Variants in GYPB observed in about 807,000 individuals in gnomAD.
The protein encoded by GYPB is glycophorin B (MNS blood group).
A neutral mutation model predicts 15.3 loss-of-function variants in GYPB; 13 were observed. The observed-to-expected ratio is 0.85, with a 90% confidence interval of 0.55 to 1.35. The LOEUF (loss-of-function observed/expected upper bound fraction) is 1.35. Among genes scored for constraint, GYPB ranks in the 40% most tolerant of loss-of-function variants. GYPB has a pLI of 0.00. For missense variants in GYPB, 131 were observed against 108.3 expected (o/e 1.21, Z -0.93); for synonymous variants, 38 against 36.9 (o/e 1.03, Z -0.11).
In GYPB at chr4:144,008,086, C is replaced by T. The variant is rs938293358; in HGVS notation, c.38-6803G>A. Among the ~76,000 whole-genome samples the T allele has an allele frequency of 1.2e-4, 18 of 151,490 alleles. 3 individuals carry two copies. Among genetic ancestry groups the T allele is most frequent in the African/African-American group, 3.9e-4 (16 of 40,778 alleles). On this transcript the variant is annotated intron_variant, in intron 1 of 4. Coordinates refer to ENST00000502664, the MANE Select transcript of GYPB (RefSeq NM_002100.6). ...CATTTTTAAAACAACTAGCTGAGAC[C>T]CTATTGTTAGATGTTAATTATTCTT...
At chr4:143,995,863 C>T (rs1727286386), downstream of GYPB, among the ~76,000 whole-genome samples, 1 of 151,336 alleles carries the variant, frequency 6.6e-6, no homozygotes, top group Admixed American at 6.6e-5. Context: ...GCCGTTTCAG[C>T]AGTCAGGCAC....
At chr4:143,995,419 C>T (rs1727273737), downstream of GYPB, among the ~76,000 whole-genome samples, 1 of 151,332 alleles carries the variant, frequency 6.6e-6, no homozygotes, top group African/African-American at 2.5e-5. Context: ...CTCAGACACT[C>T]CTTCTGACTC....
chr4:143,999,335 T>G, intron 3 of GYPB, 76 bp downstream of exon 3: 1 of 767,220 alleles, frequency 1.3e-6, no homozygotes, highest in Admixed American at 2.3e-5. Context: ...ATAGACACAT[T>G]TTCTTAGGCA....
intron 1 of GYPB, among the ~76,000 whole-genome samples, chr4:144,006,513 G>A (rs1402213075): frequency 6.6e-6 from 1 of 151,952 alleles, no homozygotes; most frequent in Non-Finnish European, 1.5e-5. Context: ...TTCTAACCTG[G>A]AATGCTATTA....
Position 144,010,131 on chromosome 4 carries a change from C to T in GYPB, c.38-8848G>A, listed in dbSNP as rs556962344. On this transcript the variant is annotated intron_variant, in intron 1 of 4. Transcript: ENST00000502664. The stretch of plus-strand genomic sequence containing the variant: ...GATGGCGCATTCCTCTACTAATGGG[C>T]TATGAAATCAGTCCAGTGGGTTGTC... 1.8e-3 allele frequency among the ~76,000 whole-genome samples: 270 copies of T among 151,126 alleles called. 3 individuals are homozygous for T. The highest frequency in any genetic ancestry group is 3.0e-3 in the Admixed American group (45 of 15,228).
At position 143,996,368 on chromosome 4, in the gene GYPB, T is replaced by C. The variant is rs1727312899; in HGVS notation, c.271-64A>G. ...GCTTGACCATGAGCTAAGACTCCAC[T>C]TCAGCCTCTGATTGGTCACAGGCCA... On this transcript the variant is annotated intron_variant, in intron 4 of 4. Coordinates refer to ENST00000502664, the MANE Select transcript of GYPB (RefSeq NM_002100.6). 2.2e-5 allele frequency: 34 copies of C among 1,549,568 alleles called. No individual in the cohort carries two copies. The South Asian group carries it at 3.6e-4, about 16-fold the overall frequency.
rs2667307 is a variant in GYPB, at chr4:143,997,998, G to A, written c.176-364C>T. 1.1e-4 allele frequency among the ~76,000 whole-genome samples: 16 copies of A among 151,510 alleles called. No individual in the cohort carries two copies. The East Asian group carries it at 1.2e-3, about 11-fold the overall frequency. ...CCACAAATTCTCCCATAGTTTGGAA[G>A]TTATGAGAGAAAACAATGTCTTAAC... is the stretch of plus-strand genomic sequence containing the variant. On this transcript the variant is annotated intron_variant, in intron 3 of 4. Transcript: ENST00000502664.
At chr4:144,009,542 T>C (rs1382291803) in intron 1 of GYPB, among the ~76,000 whole-genome samples, 1 of 149,818 alleles carries the variant, frequency 6.7e-6, no homozygotes, top group Non-Finnish European at 1.5e-5. Context: ...TTGTGGGCAG[T>C]AGAATTTGAA....
intron 1 of GYPB, among the ~76,000 whole-genome samples, chr4:144,013,777 G>A (rs570051764): frequency 6.6e-6 from 1 of 150,570 alleles, no homozygotes; most frequent in Non-Finnish European, 1.5e-5. Flanking sequence ...TGTGGGGTTG[G>A]GGGGGAGGGG....
chr4:144,011,116 C>T (rs1373312970), intron 1 of GYPB, among the ~76,000 whole-genome samples: 1 of 151,516 alleles, frequency 6.6e-6, no homozygotes, highest in African/African-American at 2.5e-5. Flanking sequence ...TGCAATGGCT[C>T]ATGCCTGTAA....
intron 1 of GYPB, among the ~76,000 whole-genome samples, chr4:144,014,647 C>A (rs1460636638): frequency 6.6e-6 from 1 of 151,222 alleles, no homozygotes; most frequent in South Asian, 2.1e-4. Flanking sequence ...GTGGCTGCTA[C>A]TGGGTAAGAG....
At chr4:143,996,434 T>C (rs1177257176) in intron 4 of GYPB, 130 bp from the exon 5 acceptor site, 9 of 1,490,846 alleles carry the variant, frequency 6.0e-6, no homozygotes, top group Middle Eastern at 2.0e-4. Context: ...TTCTAAAGGG[T>C]ACCTAGGGGT....
At chr4:144,004,671 A>G (rs35696207) in intron 1 of GYPB, among the ~76,000 whole-genome samples, 24,412 of 150,722 alleles carry the variant, frequency 0.16, 623 homozygotes, top group South Asian at 0.28. Flanking sequence ...AGCTTCATTC[A>G]AAATTCAAGG....
At chr4:144,003,820 G>A (rs1415121936) in intron 1 of GYPB, among the ~76,000 whole-genome samples, 2 of 151,296 alleles carry the variant, frequency 1.3e-5, no homozygotes, top group Admixed American at 1.3e-4. Flanking sequence ...CTGTACTCAA[G>A]TTTACAAAGC....
intron 1 of GYPB, chr4:144,008,369 G>C (rs1477584073): frequency 8.8e-6 from 4 of 454,568 alleles, no homozygotes; most frequent in African/African-American, 4.1e-5. Flanking sequence ...GCTAAATGAA[G>C]AGATATAAAG....
chr4:144,003,050 A>G (rs1727708218), intron 1 of GYPB, among the ~76,000 whole-genome samples: 2 of 151,494 alleles, frequency 1.3e-5, no homozygotes, highest in South Asian at 4.1e-4. Context: ...AATGCTTTTA[A>G]ACAATAATCT....
chr4:144,013,395 T>A (rs1197209893), intron 1 of GYPB, among the ~76,000 whole-genome samples: 2 of 151,214 alleles, frequency 1.3e-5, no homozygotes. Flanking sequence ...GAAATACCAT[T>A]TGACCCAGCC....
intron 1 of GYPB, among the ~76,000 whole-genome samples, chr4:144,010,533 A>C (rs1031472997): frequency 2.6e-5 from 4 of 151,410 alleles, no homozygotes; most frequent in Non-Finnish European, 5.9e-5. Flanking sequence ...GAATTAGGGA[A>C]GGTATTATTT....
intron 4 of GYPB, among the ~76,000 whole-genome samples, chr4:143,996,895 T>G (rs1390127442): frequency 6.6e-6 from 1 of 151,116 alleles, no homozygotes; most frequent in East Asian, 1.9e-4. Context: ...AGTTTTATTT[T>G]ATTTTTATTT....
Sources: gnomAD v4.1 joint callset for allele counts (sites outside exome capture counted in the v4.1 genomes callset) on GRCh38, gnomAD v4.1.1 for gene constraint, MANE v1.5 for transcripts, NCBI Gene and HGNC (gene_info 2026-07-23, HGNC 2026-07-21) for gene names.